Variants in BRINP1 observed in about 807,000 individuals in gnomAD.
BRINP1 encodes BMP/retinoic acid-inducible neural-specific protein 1.
In BRINP1, 17 loss-of-function variants were observed where a neutral mutation model predicts 72.9. The observed-to-expected ratio is 0.23, with a 90% confidence interval of 0.16 to 0.35. BRINP1 has a LOEUF of 0.35. Ranked by LOEUF, BRINP1 falls within the 10% of genes least tolerant of loss-of-function variation. The pLI is 1.00. For missense variants in BRINP1, 850 were observed against 1,001.6 expected (o/e 0.85, Z 2.04); for synonymous variants, 418 against 378.5 (o/e 1.10, Z -1.21).
chr9:119,281,328 T>A (rs906906477), intron 2 of BRINP1, among the ~76,000 whole-genome samples: 1 of 152,142 alleles, frequency 6.6e-6, no homozygotes, highest in African/African-American at 2.4e-5. Context: ...TCAGCCTGCT[T>A]TTGCGGAAGA....
In BRINP1 at chr9:119,177,624, T is replaced by C. The variant is rs562113854; in HGVS notation, c.1146-9400A>G. 5.9e-5 allele frequency among the ~76,000 whole-genome samples: 9 copies of C among 152,298 alleles called. No homozygotes were observed. In the South Asian group the frequency reaches 1.0e-3, roughly 18 times the overall value. On this transcript the variant is annotated intron_variant, in intron 7 of 7. Coordinates refer to ENST00000265922, the MANE Select transcript of BRINP1 (RefSeq NM_014618.3). The stretch of plus-strand genomic sequence containing the variant: ...GCGCCCCCTTTCTCGTGTCTCATCA[T>C]TGGGACCCTTTGTAAGGACCACAGC...
At chr9:119,301,237 C>T (rs894043602) in intron 2 of BRINP1, among the ~76,000 whole-genome samples, 1 of 152,156 alleles carries the variant, frequency 6.6e-6, no homozygotes, top group Admixed American at 6.5e-5. Context: ...GCACCATCAC[C>T]CACCCAGCTG....
chr9:119,184,485 C>G (rs544888989), intron 7 of BRINP1, among the ~76,000 whole-genome samples: 1 of 152,316 alleles, frequency 6.6e-6, no homozygotes, highest in South Asian at 2.1e-4. Flanking sequence ...AGCCTGACTT[C>G]ACATTGTGGG....
intron 2 of BRINP1, among the ~76,000 whole-genome samples, chr9:119,259,578 A>G (rs561578613): frequency 6.6e-6 from 1 of 152,292 alleles, no homozygotes; most frequent in Non-Finnish European, 1.5e-5. Flanking sequence ...TGAAAGAGCG[A>G]CTCATAACTA....
At chr9:119,322,517 C>G (rs577603628) in intron 1 of BRINP1, among the ~76,000 whole-genome samples, 1 of 152,324 alleles carries the variant, frequency 6.6e-6, no homozygotes, top group South Asian at 2.1e-4. Flanking sequence ...GACCTTCCAG[C>G]AGCGCTGTTA....
intron 1 of BRINP1, among the ~76,000 whole-genome samples, chr9:119,346,912 C>G (rs866893112): frequency 2.6e-5 from 4 of 152,102 alleles, no homozygotes; most frequent in African/African-American, 9.7e-5. Context: ...TGACATTAAT[C>G]GGACATGTTA....
intron 2 of BRINP1, chr9:119,283,137 GTTGTAAA>G (rs1359678402): frequency 1.0e-6 from 1 of 984,850 alleles, no homozygotes; most frequent in Non-Finnish European, 1.2e-6. Flanking sequence ...ACCGGCTGTG[GTTGTAAA>G]TGAGATCATT....
At chr9:119,264,236 G>A (rs1229375688) in intron 2 of BRINP1, among the ~76,000 whole-genome samples, 1 of 152,196 alleles carries the variant, frequency 6.6e-6, no homozygotes, top group Non-Finnish European at 1.5e-5. Flanking sequence ...TCAGTAGCAT[G>A]TCGGGTAAGA....
intron 2 of BRINP1, among the ~76,000 whole-genome samples, chr9:119,275,885 T>C (rs1830652239): frequency 6.6e-6 from 1 of 152,048 alleles, no homozygotes; most frequent in South Asian, 2.1e-4. Flanking sequence ...AACCCCCAAA[T>C]AGCAGTAAAG....
At chr9:119,170,326 T>G (rs937700102) in intron 7 of BRINP1, among the ~76,000 whole-genome samples, 2 of 151,678 alleles carry the variant, frequency 1.3e-5, no homozygotes, top group African/African-American at 4.9e-5. Context: ...GAGAACTACG[T>G]GTAGAATGCA....
At chr9:119,334,511 G>A (rs960606335) in intron 1 of BRINP1, among the ~76,000 whole-genome samples, 1 of 152,106 alleles carries the variant, frequency 6.6e-6, no homozygotes, top group Admixed American at 6.5e-5. Context: ...GGTTATTTGT[G>A]GAGGATAAAC....
At chr9:119,258,391 T>G (rs1383517799) in intron 2 of BRINP1, among the ~76,000 whole-genome samples, 1 of 152,182 alleles carries the variant, frequency 6.6e-6, no homozygotes, top group African/African-American at 2.4e-5. Context: ...AGCACTGTTA[T>G]CGAGGGCAGG....
In BRINP1 at chr9:119,368,470, T is replaced by C. The variant is rs148594852; in HGVS notation, c.-51+586A>G. On this transcript the variant is annotated intron_variant, in intron 1 of 7. Coordinates refer to ENST00000265922, the MANE Select transcript of BRINP1 (RefSeq NM_014618.3). The surrounding 1 kb of genome is among the most constrained non-coding windows in gnomAD (Gnocchi z 4.7). Reference sequence around the variant, plus strand: ...CAACATTGGGCTAAATAAGGTGCCATCTACAGCCCCATAATCCTCCCCAAA... The same window carrying C: ...CAACATTGGGCTAAATAAGGTGCCACCTACAGCCCCATAATCCTCCCCAAA... Among the ~76,000 whole-genome samples the C allele has an allele frequency of 1.3e-5, 2 of 152,078 alleles. No individual in the cohort carries two copies. The highest frequency in any genetic ancestry group is 2.4e-5 in the African/African-American group (1 of 41,484).
chr9:119,221,838 G>A (rs1830044429), intron 5 of BRINP1, among the ~76,000 whole-genome samples: 1 of 146,874 alleles, frequency 6.8e-6, no homozygotes, highest in Admixed American at 6.6e-5. Flanking sequence ...TGCTTTGGTA[G>A]CAGAGGACTC....
chr9:119,268,821 G>A (rs1462007561), intron 2 of BRINP1, among the ~76,000 whole-genome samples: 1 of 152,140 alleles, frequency 6.6e-6, no homozygotes, highest in Non-Finnish European at 1.5e-5. Flanking sequence ...TATTTGTTGA[G>A]CACATAAGAA....
rs752479550 is a variant in BRINP1 at position 119,313,275 on chromosome 9, T to G, written c.81A>C (p.Pro27=). The change falls in exon 2 of 8, where the codon CCA becomes CCC. Residue 27 remains proline (P), a synonymous_variant. Coordinates refer to ENST00000265922, the MANE Select transcript of BRINP1 (RefSeq NM_014618.3). ...RISVQPSHQE[P]AGTDQHVSKE... is the part of the protein sequence containing the mutation. ...TGGAGACATGTTGGTCTGTCCCAGC[T>G]GGTTCCTGGTGGGAGGGCTGCACTG... The G allele has an allele frequency of 1.9e-6, 3 of 1,614,060 alleles. No individual in the cohort carries two copies. The African/African-American group carries it at 4.0e-5, about 22-fold the overall frequency.
In BRINP1 at chr9:119,352,825, T is replaced by C. The variant is rs572611522; in HGVS notation, c.-51+16231A>G. Among the ~76,000 whole-genome samples the C allele has an allele frequency of 2.2e-4, 33 of 152,384 alleles. 1 individual carries two copies. The highest frequency in any genetic ancestry group is 6.3e-4 in the African/African-American group (26 of 41,598). ...ATAAATTATGAAATCCTGCAACTTATGATTCAAAGATGCCAACAGTATGAC... is the reference window on the plus strand; with the variant it reads ...ATAAATTATGAAATCCTGCAACTTACGATTCAAAGATGCCAACAGTATGAC... On this transcript the variant is annotated intron_variant, in intron 1 of 7. Coordinates refer to ENST00000265922, the MANE Select transcript of BRINP1 (RefSeq NM_014618.3).
chr9:119,260,828 G>A (rs1223486103), intron 2 of BRINP1, among the ~76,000 whole-genome samples: 2 of 152,112 alleles, frequency 1.3e-5, no homozygotes, highest in Non-Finnish European at 2.9e-5. Context: ...AAAACAATGG[G>A]GTGGGGGTCG....
At chr9:119,245,545 G>T (rs954706094) in intron 3 of BRINP1, among the ~76,000 whole-genome samples, 14 of 152,222 alleles carry the variant, frequency 9.2e-5, no homozygotes, top group Middle Eastern at 6.8e-3. Context: ...CTTCATAGGA[G>T]TATTCACATG....
Sources: allele counts gnomAD v4.1 joint callset (sites outside exome capture counted in the v4.1 genomes callset), GRCh38; gene constraint gnomAD v4.1.1; non-coding constraint Gnocchi (gnomAD v3.1); transcripts MANE v1.5; gene names NCBI Gene and HGNC (gene_info 2026-07-23, HGNC 2026-07-21).